The following UHRF2 variants were observed in gnomAD, a reference collection of about 807,000 sequenced individuals.
UHRF2 encodes E3 ubiquitin-protein ligase UHRF2.
Under a neutral mutation model 96.8 loss-of-function variants are expected in UHRF2, and 23 were observed. That is an observed-to-expected ratio of 0.24 (90% CI 0.17 to 0.34). The LOEUF (loss-of-function observed/expected upper bound fraction) is 0.34. Among genes scored for constraint, UHRF2 ranks in the 10% least tolerant of loss-of-function variants. The pLI, the probability that UHRF2 is intolerant of heterozygous loss-of-function variation, is 1.00. For missense variants in UHRF2, 685 were observed against 981.5 expected, an observed-to-expected ratio of 0.70 and a Z score of 4.04; for synonymous variants, 385 against 332.6, an observed-to-expected ratio of 1.16 and a Z score of -1.72.
intron 2 of UHRF2, among the ~76,000 whole-genome samples, chr9:6,426,585 A>G (rs1820273443): frequency 6.6e-6 from 1 of 152,160 alleles, no homozygotes. Flanking sequence ...TATTTTTCAG[A>G]TAGAAGTACA....
chr9:6,449,930 G>A (rs1360183610), intron 3 of UHRF2, among the ~76,000 whole-genome samples: 2 of 152,126 alleles, frequency 1.3e-5, no homozygotes, highest in Admixed American at 6.5e-5. Context: ...CTTGTGTCTG[G>A]TTTCCTCTGG....
intron 4 of UHRF2, among the ~76,000 whole-genome samples, chr9:6,469,257 C>T (rs1190886598): frequency 2.6e-5 from 4 of 152,130 alleles, no homozygotes; most frequent in African/African-American, 7.2e-5. Flanking sequence ...CCATGGCACA[C>T]GCCTATAATC....
chr9:6,487,858 A>T (rs1337906881), intron 9 of UHRF2, among the ~76,000 whole-genome samples: 1 of 152,168 alleles, frequency 6.6e-6, no homozygotes, highest in Non-Finnish European at 1.5e-5. Context: ...AAAAATAAAA[A>T]CTGGTTCCAG....
Position 6,498,058 on chromosome 9 carries a change from T to A in UHRF2, c.1808T>A (p.Phe603Tyr). The A allele has an allele frequency of 6.2e-7, 1 of 1,613,626 alleles. No individual in the cohort carries two copies. Among genetic ancestry groups the A allele is most frequent in the Non-Finnish European group, 8.5e-7 (1 of 1,179,946 alleles). ...YWPEISSSHG[F>Y]LVWRYLLRRD... ...CCAGAGATTTCATCAAGCCATGGAT[T>A]CTTGGTTTGGCGCTATCTTTTAAGA... Residue 603 changes from phenylalanine (F) to tyrosine (Y), a missense_variant, in exon 12 of 16, where the codon TTC becomes TAC. Transcript: ENST00000276893.
intron 3 of UHRF2, among the ~76,000 whole-genome samples, chr9:6,440,952 CATTCCCTGTG>C (rs1312349406): frequency 6.6e-6 from 1 of 152,188 alleles, no homozygotes; most frequent in African/African-American, 2.4e-5. Flanking sequence ...GATTCTATTT[CATTCCCTGTG>C]ATTCCCTGTG....
intron 2 of UHRF2, chr9:6,422,667 T>A: frequency 1.5e-6 from 1 of 647,262 alleles, no homozygotes; most frequent in Non-Finnish European, 2.9e-6. Flanking sequence ...TGTAGTGCAG[T>A]GACGTGAACA....
intron 6 of UHRF2, among the ~76,000 whole-genome samples, 162 bp downstream of exon 6, chr9:6,477,970 A>G (rs1001987091): frequency 6.6e-6 from 1 of 152,228 alleles, no homozygotes; most frequent in African/African-American, 2.4e-5. Flanking sequence ...AATTACTGTA[A>G]CAACCTCTGA....
chr9:6,502,804 G>C (rs984600707), intron 14 of UHRF2, among the ~76,000 whole-genome samples: 29 of 152,150 alleles, frequency 1.9e-4, no homozygotes, highest in Non-Finnish European at 4.1e-4. Context: ...AAAGGTGTTT[G>C]TTAGGGAGAG....
chr9:6,421,109 C>T lies in UHRF2; in HGVS notation c.351C>T (p.Ala117=), dbSNP rs950382416. Residue 117 remains alanine (A), a synonymous_variant, in exon 2 of 16, where the codon GCC becomes GCT. Coordinates refer to ENST00000276893, the MANE Select transcript of UHRF2 (RefSeq NM_152896.3). ...PSNQPSTSAR[A]RLIDPGFGIY... ...ATCAGCCATCTACATCAGCTCGTGC[C>T]CGTCTTATTGATCCTGGCTTTGGAA... 1.2e-6 allele frequency: 2 copies of T among 1,613,970 alleles called. No homozygotes were observed. Among genetic ancestry groups the T allele is most frequent in the East Asian group, 2.2e-5 (1 of 44,862 alleles).
intron 3 of UHRF2, among the ~76,000 whole-genome samples, chr9:6,442,448 TA>T (rs1178665399): frequency 6.5e-5 from 8 of 124,018 alleles, no homozygotes; most frequent in African/African-American, 2.6e-4. Flanking sequence ...AACATTGGCA[TA>T]AGGTTTTGTT....
chr9:6,468,286 T>G (rs1237656643), intron 4 of UHRF2: 1 of 360,794 alleles, frequency 2.8e-6, no homozygotes, highest in African/African-American at 2.1e-5. Context: ...AAAGTGGCTT[T>G]GGCCTTGAAT....
chr9:6,497,495 C>T (rs1825035111), intron 11 of UHRF2, 135 bp downstream of exon 11: 10 of 971,272 alleles, frequency 1.0e-5, no homozygotes, highest in East Asian at 2.5e-5. Flanking sequence ...GGAAATTGAA[C>T]AGATGCATAA....
At chr9:6,463,616 G>A (rs929828439) in intron 4 of UHRF2, among the ~76,000 whole-genome samples, 5 of 151,962 alleles carry the variant, frequency 3.3e-5, no homozygotes, top group Admixed American at 6.6e-5. Flanking sequence ...AACTACAGGC[G>A]CATGCCACCA....
chr9:6,496,636 T>C lies in UHRF2; in HGVS notation c.1605-562T>C, dbSNP rs1279059532. The C allele has an allele frequency of 5.3e-5, 8 of 152,352 alleles. No individual in the cohort carries two copies. The East Asian group carries it at 1.5e-3, about 29-fold the overall frequency. The allele number at this position is 152,352 out of a possible 1,614,324, so 9.4% of individuals were successfully genotyped here. On this transcript the variant is annotated intron_variant, in intron 10 of 15. Coordinates refer to ENST00000276893, the MANE Select transcript of UHRF2 (RefSeq NM_152896.3). ...GCTTCAGGCTTATTGAAATTTATCT[T>C]TTTATGGAGACCTTTAAAGAACATT...
chr9:6,450,366 G>T (rs905297592), intron 3 of UHRF2, among the ~76,000 whole-genome samples: 9 of 139,356 alleles, frequency 6.5e-5, no homozygotes, highest in Non-Finnish European at 1.1e-4. Context: ...TCTCAGTCTG[G>T]ATTTTACTGA....
intron 5 of UHRF2, among the ~76,000 whole-genome samples, chr9:6,477,020 GT>G (rs775624876): frequency 3.3e-5 from 5 of 152,138 alleles, no homozygotes; most frequent in Non-Finnish European, 4.4e-5. Flanking sequence ...CACCTGAGGG[GT>G]CAGGAGTTTG....
At chr9:6,487,015 G>C in intron 9 of UHRF2, 90 bp downstream of exon 9, 1 of 1,216,736 alleles carries the variant, frequency 8.2e-7, no homozygotes, top group South Asian at 1.4e-5. Context: ...AAATACTGTT[G>C]TGTCTTTTTA....
Position 6,458,379 on chromosome 9 carries a change from C to T in UHRF2, c.645-2194C>T, listed in dbSNP as rs140267584. Among the ~76,000 whole-genome samples the T allele has an allele frequency of 4.7e-3, 704 of 151,382 alleles. 6 individuals carry two copies. The highest frequency in any genetic ancestry group is 0.016 in the African/African-American group (682 of 41,378). ...TTTATTGTGTCTATTTGGTTCTTCT[C>T]TCTTTTCTTCTATGTTAGTCTGGCT... On this transcript the variant is annotated intron_variant, in intron 3 of 15. Transcript: ENST00000276893.
At chr9:6,483,506 C>T (rs1021230998) in intron 8 of UHRF2, among the ~76,000 whole-genome samples, 12 of 151,988 alleles carry the variant, frequency 7.9e-5, no homozygotes, top group Non-Finnish European at 1.6e-4. Context: ...AAGAAAAAGT[C>T]TGGACAGATT....
Sources: allele counts gnomAD v4.1 joint callset (sites outside exome capture counted in the v4.1 genomes callset), GRCh38; gene constraint gnomAD v4.1.1; transcripts MANE v1.5; gene names NCBI Gene and HGNC (gene_info 2026-07-23, HGNC 2026-07-21).